CDH13: variants seen among roughly 807,000 people sequenced by gnomAD.
The protein encoded by CDH13 is cadherin-13.
Under a neutral mutation model 63.8 loss-of-function variants are expected in CDH13, and 24 were observed. The ratio of observed to expected loss-of-function variants is 0.38; its 90% confidence interval spans 0.27 to 0.53. The LOEUF (loss-of-function observed/expected upper bound fraction) is 0.53, where lower values mean the gene tolerates loss of function less well. Among genes scored for constraint, CDH13 ranks in the 20% least tolerant of loss-of-function variants. The pLI is 0.85. For missense variants in CDH13, 1,049 were observed against 903.1 expected (o/e 1.16, Z -2.07); for synonymous variants, 503 against 355.3 (o/e 1.42, Z -4.67).
chr16:83,271,508 AAC>A (rs1555523009), intron 5 of CDH13, among the ~76,000 whole-genome samples: 19 of 140,706 alleles, frequency 1.4e-4, no homozygotes, highest in Middle Eastern at 3.6e-3. Context: ...TTTAAAAAAA[AAC>A]AAAACAAAAC....
At chr16:83,779,912 G>C in intron 11 of CDH13, 56 bp from the exon 12 acceptor site, 1 of 1,180,190 alleles carries the variant, frequency 8.5e-7, no homozygotes, top group Non-Finnish European at 1.2e-6. Flanking sequence ...AAGTGCTATG[G>C]TAAATTGCTC....
At chr16:83,607,199 C>T (rs1908426509) in intron 8 of CDH13, among the ~76,000 whole-genome samples, 1 of 152,080 alleles carries the variant, frequency 6.6e-6, no homozygotes, top group Non-Finnish European at 1.5e-5. Flanking sequence ...GGGTGGATCC[C>T]CTGAGGTCAG....
intron 1 of CDH13, among the ~76,000 whole-genome samples, chr16:82,829,821 C>A (rs1312814423): frequency 6.6e-6 from 1 of 152,160 alleles, no homozygotes; most frequent in Non-Finnish European, 1.5e-5. Context: ...AATGTGTAAG[C>A]AATAATCTGA....
chr16:82,981,105 C>G (rs1910201536), intron 2 of CDH13, among the ~76,000 whole-genome samples: 2 of 152,126 alleles, frequency 1.3e-5, no homozygotes, highest in South Asian at 4.2e-4. Flanking sequence ...CAAAAGGACT[C>G]CATTTCTATG....
intron 4 of CDH13, among the ~76,000 whole-genome samples, chr16:83,153,820 CG>C (rs2151699247): frequency 6.6e-6 from 1 of 152,174 alleles, no homozygotes; most frequent in East Asian, 1.9e-4. Flanking sequence ...TGTGGCATTT[CG>C]GTTTTTTGTG....
chr16:82,677,631 A>G (rs970002453), intron 1 of CDH13, among the ~76,000 whole-genome samples: 14 of 152,152 alleles, frequency 9.2e-5, no homozygotes, highest in Admixed American at 6.5e-4. Flanking sequence ...GTTTAGAAGT[A>G]TCAGAGGCAG....
intron 5 of CDH13, among the ~76,000 whole-genome samples, chr16:83,270,705 G>T (rs111654591): frequency 6.6e-6 from 1 of 152,000 alleles, no homozygotes; most frequent in Admixed American, 6.6e-5. Flanking sequence ...TTCAAGACAC[G>T]TTCCTATCTG....
At position 83,510,526 on chromosome 16, in the gene CDH13, C is replaced by T. The variant is rs2074532247; in HGVS notation, c.960+23871C>T. 3.3e-5 allele frequency among the ~76,000 whole-genome samples: 5 copies of T among 152,258 alleles called. No individual in the cohort carries two copies. In the South Asian group the frequency reaches 1.0e-3, roughly 32 times the overall value. On this transcript the variant is annotated intron_variant, in intron 7 of 13. Transcript: ENST00000567109. The stretch of plus-strand genomic sequence containing the variant: ...AAATGCTACCAGGAAAAGAGAGATA[C>T]CTTGACAGCTGACAGTAACCCTGGG...
At chr16:83,539,767 G>A (rs752613880) in intron 7 of CDH13, among the ~76,000 whole-genome samples, 1 of 152,164 alleles carries the variant, frequency 6.6e-6, no homozygotes, top group East Asian at 1.9e-4. Flanking sequence ...CTTGTCCAAG[G>A]TCATGCGAAT....
intron 4 of CDH13, among the ~76,000 whole-genome samples, chr16:83,141,635 A>C (rs1431559300): frequency 6.6e-6 from 1 of 152,122 alleles, no homozygotes; most frequent in Non-Finnish European, 1.5e-5. Flanking sequence ...CCCCGTGTGC[A>C]TTAGGTATTT....
At chr16:83,190,514 A>G (rs1048840635) in intron 4 of CDH13, among the ~76,000 whole-genome samples, 1 of 152,134 alleles carries the variant, frequency 6.6e-6, no homozygotes, top group African/African-American at 2.4e-5. Flanking sequence ...CGCCTGCCCT[A>G]TGCCCCCATA....
intron 1 of CDH13, among the ~76,000 whole-genome samples, chr16:82,774,604 C>G (rs1004600746): frequency 3.3e-5 from 5 of 152,194 alleles, no homozygotes; most frequent in Non-Finnish European, 7.3e-5. Flanking sequence ...CATGTCCTTT[C>G]ATATAGATTT....
At chr16:83,252,193 A>C (rs959047848) in intron 5 of CDH13, among the ~76,000 whole-genome samples, 1 of 144,728 alleles carries the variant, frequency 6.9e-6, no homozygotes, top group Non-Finnish European at 1.5e-5. Flanking sequence ...AAGTCTCCCC[A>C]CCCCTAATGC....
At chr16:83,192,635 G>C (rs1189450863) in intron 4 of CDH13, among the ~76,000 whole-genome samples, 1 of 152,176 alleles carries the variant, frequency 6.6e-6, no homozygotes, top group Non-Finnish European at 1.5e-5. Flanking sequence ...TGGCTTCTCT[G>C]TGTTGCTGAC....
intron 2 of CDH13, among the ~76,000 whole-genome samples, chr16:82,939,743 C>T (rs1171987728): frequency 6.6e-6 from 1 of 152,168 alleles, no homozygotes; most frequent in Admixed American, 6.5e-5. Context: ...ACCCTTACAT[C>T]CTTGAATCTC....
chr16:83,140,970 A>T (rs1436506356), intron 4 of CDH13, among the ~76,000 whole-genome samples: 1 of 152,244 alleles, frequency 6.6e-6, no homozygotes, highest in Non-Finnish European at 1.5e-5. Flanking sequence ...CACAATTGCT[A>T]AACAGACAAT....
At chr16:83,209,694 C>T (rs1211748616) in intron 4 of CDH13, among the ~76,000 whole-genome samples, 1 of 152,106 alleles carries the variant, frequency 6.6e-6, no homozygotes, top group Non-Finnish European at 1.5e-5. Flanking sequence ...AATAAGAAAG[C>T]AACAGCCTGA....
At chr16:82,668,547 G>T (rs770259305) in intron 1 of CDH13, among the ~76,000 whole-genome samples, 1 of 152,146 alleles carries the variant, frequency 6.6e-6, no homozygotes, top group Non-Finnish European at 1.5e-5. Context: ...CCTTAAGAAG[G>T]GATCTGTGCT....
chr16:83,694,101 G>C (rs963345674), intron 10 of CDH13, among the ~76,000 whole-genome samples: 1 of 152,202 alleles, frequency 6.6e-6, no homozygotes, highest in Non-Finnish European at 1.5e-5. Context: ...TTGACATTAG[G>C]CATCACAGAA....
Sources: allele counts gnomAD v4.1 joint callset (sites outside exome capture counted in the v4.1 genomes callset), GRCh38; gene constraint gnomAD v4.1.1; transcripts MANE v1.5; gene names NCBI Gene and HGNC (gene_info 2026-07-23, HGNC 2026-07-21).